BAZ1A: variants seen among roughly 807,000 people sequenced by gnomAD.
BAZ1A encodes the protein bromodomain adjacent to zinc finger domain protein 1A.
A neutral mutation model predicts 185.2 loss-of-function variants in BAZ1A; 50 were observed. That is an observed-to-expected ratio of 0.27 (90% CI 0.22 to 0.34). The LOEUF is 0.34. BAZ1A is among the 10% of genes least tolerant of loss of function. The pLI, the probability that BAZ1A is intolerant of heterozygous loss-of-function variation, is 1.00. For synonymous variants in BAZ1A, 571 were observed against 615.6 expected (o/e 0.93, Z 1.07); for missense variants, 1,356 against 1,839.9 (o/e 0.74, Z 4.81).
At chr14:34,872,576 G>A (rs1157282358) in intron 2 of BAZ1A, among the ~76,000 whole-genome samples, 2 of 152,200 alleles carry the variant, frequency 1.3e-5, no homozygotes, top group East Asian at 1.9e-4. Context: ...ACTCCAGCCT[G>A]GGCGACAGAG....
At chr14:34,859,443 A>C (rs2138812728) in intron 3 of BAZ1A, among the ~76,000 whole-genome samples, 1 of 152,084 alleles carries the variant, frequency 6.6e-6, no homozygotes, top group South Asian at 2.1e-4. Flanking sequence ...AAAAAAAAAA[A>C]AATCCACAGA....
intron 4 of BAZ1A, among the ~76,000 whole-genome samples, chr14:34,825,591 AGATGGGTACT>A (rs1482815609): frequency 8.5e-5 from 13 of 152,048 alleles, no homozygotes; most frequent in African/African-American, 3.1e-4. Flanking sequence ...TAGATTGTTT[AGATGGGTACT>A]ATACCATAGT....
chr14:34,839,839 CAA>C (rs60954768), intron 3 of BAZ1A, among the ~76,000 whole-genome samples: 26,554 of 106,596 alleles, frequency 0.25, 2,526 homozygotes, highest in Non-Finnish European at 0.29. Context: ...GCCTCTGTTT[CAA>C]AAAAAAAAAA....
Position 34,838,527 on chromosome 14 carries a change from CT to C in BAZ1A, c.393-12372del, listed in dbSNP as rs35699929. On this transcript the variant is annotated intron_variant, in intron 3 of 26. Transcript: ENST00000360310. ...ATATCATGAGGGAAACTATTTTTTT[CT>C]TTTTTTTTTTGGAGACAGAGTCTCC... Among the ~76,000 whole-genome samples, 54 of 145,920 alleles carry C rather than the reference CT, an allele frequency of 3.7e-4. 1 individual carries two copies. Among genetic ancestry groups the C allele is most frequent in the Admixed American group, 1.7e-3 (25 of 14,590 alleles).
chr14:34,863,896 G>A (rs560764400), intron 2 of BAZ1A, among the ~76,000 whole-genome samples: 3 of 151,820 alleles, frequency 2.0e-5, no homozygotes, highest in South Asian at 4.2e-4. Flanking sequence ...CCAGACTGAA[G>A]GGCAGTGGTA....
intron 4 of BAZ1A, among the ~76,000 whole-genome samples, chr14:34,814,034 G>A (rs1418235590): frequency 9.3e-5 from 13 of 140,036 alleles, no homozygotes; most frequent in Non-Finnish European, 1.9e-4. Context: ...CAGAGCAAGA[G>A]TCTGTATCAA....
chr14:34,851,489 A>T (rs1240596078), intron 3 of BAZ1A, among the ~76,000 whole-genome samples: 1 of 152,078 alleles, frequency 6.6e-6, no homozygotes, highest in Non-Finnish European at 1.5e-5. Flanking sequence ...ATGACTACAC[A>T]ATGAGTCCAA....
chr14:34,812,408 T>A lies in BAZ1A; in HGVS notation c.537-1372A>T, dbSNP rs549876837. Among the ~76,000 whole-genome samples, 32 of 152,290 alleles carry A rather than the reference T, an allele frequency of 2.1e-4. 1 individual carries two copies. In the Middle Eastern group the frequency reaches 0.014, roughly 65 times the overall value. The stretch of plus-strand genomic sequence containing the variant: ...CAGAGATGTAGCAGCAGTGCCAGAT[T>A]ATGAGACTTTGGATATTGAGTAGTC... On this transcript the variant is annotated intron_variant, in intron 4 of 26. Transcript: ENST00000360310.
At chr14:34,783,263 T>C (rs761445557) in intron 15 of BAZ1A, 31 bp from the exon 16 acceptor site, 4 of 1,314,114 alleles carry the variant, frequency 3.0e-6, no homozygotes, top group Non-Finnish European at 4.4e-6. Context: ...TGGTAGTCTA[T>C]CTGATGCACA....
chr14:34,862,853 G>A (rs2042791715), intron 2 of BAZ1A, among the ~76,000 whole-genome samples: 1 of 151,730 alleles, frequency 6.6e-6, no homozygotes, highest in South Asian at 2.1e-4. Flanking sequence ...ATAGGTTTCT[G>A]GAATGTCATA....
chr14:34,818,917 G>A (rs1047899352), intron 4 of BAZ1A, among the ~76,000 whole-genome samples: 6 of 151,860 alleles, frequency 4.0e-5, no homozygotes, highest in African/African-American at 7.3e-5. Flanking sequence ...CGAGGCGGGC[G>A]GATCACGAGG....
Position 34,764,732 on chromosome 14 carries a change from C to G in BAZ1A, c.3751G>C (p.Asp1251His), listed in dbSNP as rs973682894. The change falls in exon 23 of 27, where the codon GAC becomes CAC. Residue 1251 changes from aspartate (D) to histidine (H), a missense_variant. Asp to His is a moderately conservative substitution (Grantham distance 81). Around this residue, in one of 7 missense-constraint regions of BAZ1A, gnomAD observed 309 missense variants for 355.3 expected, o/e 0.87. Transcript: ENST00000360310. ...EEYEVEQDED[D>H]SQEEEEVSLP... ...CTGACTTCTTCCTCTTCTTGAGAGT[C>G]ATCTTCATCTTGTTCTACCTCATAC... is the stretch of plus-strand genomic sequence containing the variant. 30 of 1,608,996 alleles carry G rather than the reference C, an allele frequency of 1.9e-5. No homozygotes were observed. The highest frequency in any genetic ancestry group is 1.6e-5 in the Non-Finnish European group (19 of 1,176,248).
chr14:34,764,152 A>G (rs1878639491), intron 23 of BAZ1A, among the ~76,000 whole-genome samples: 1 of 152,130 alleles, frequency 6.6e-6, no homozygotes, highest in Non-Finnish European at 1.5e-5. Context: ...CAGAAGTATA[A>G]AAATACAGTG....
chr14:34,862,258 G>A lies in BAZ1A; in HGVS notation c.178C>T (p.Pro60Ser). The change falls in exon 3 of 27, where the codon CCT (proline) becomes TCT (serine). Residue 60 changes from proline (P) to serine (S), a missense_variant. By Grantham distance (74) the Pro-to-Ser change is moderately conservative. Around this residue, in one of 7 missense-constraint regions of BAZ1A, gnomAD observed 332 missense variants for 395.3 expected, o/e 0.84. Coordinates refer to ENST00000360310, the MANE Select transcript of BAZ1A (RefSeq NM_013448.3). Reference protein sequence around the residue: ...LVWSCAVTGRPGLTYQEALES... With the variant: ...LVWSCAVTGRSGLTYQEALES... ...AGTGCTTCCTGATACGTCAGTCCAG[G>A]TCTACCCGTCACAGCACAACTCCAC... 1.2e-6 allele frequency: 2 copies of A among 1,614,004 alleles called. No individual in the cohort carries two copies. Among genetic ancestry groups the A allele is most frequent in the Non-Finnish European group, 1.7e-6 (2 of 1,180,010 alleles).
At chr14:34,758,940 G>A (rs975485681) in intron 24 of BAZ1A, 94 bp from the exon 25 acceptor site, 2 of 1,267,308 alleles carry the variant, frequency 1.6e-6, no homozygotes, top group African/African-American at 3.0e-5. Context: ...AATTCCAACA[G>A]AAAATAGACA....
intron 25 of BAZ1A, among the ~76,000 whole-genome samples, chr14:34,756,598 T>C (rs938026655): frequency 6.7e-6 from 1 of 149,884 alleles, no homozygotes; most frequent in African/African-American, 2.5e-5. Context: ...TCCGAGTAGC[T>C]GGGATTACAG....
At chr14:34,753,809 A>C in intron 26 of BAZ1A, 105 bp from the exon 27 acceptor site, 1 of 1,015,532 alleles carries the variant, frequency 9.8e-7, no homozygotes, top group Non-Finnish European at 1.4e-6. Flanking sequence ...ATGGAAGCCC[A>C]CTTTTTTCTT....
intron 4 of BAZ1A, among the ~76,000 whole-genome samples, chr14:34,814,467 T>C (rs1212048438): frequency 6.6e-6 from 1 of 151,924 alleles, no homozygotes; most frequent in African/African-American, 2.4e-5. Context: ...AGAAAACTTG[T>C]ATATGGACCT....
chr14:34,814,620 C>T (rs1377118222), intron 4 of BAZ1A, among the ~76,000 whole-genome samples: 8 of 151,820 alleles, frequency 5.3e-5, no homozygotes, highest in Non-Finnish European at 1.0e-4. Flanking sequence ...AGGCATGTGC[C>T]ACCCATGCCC....
Sources: gnomAD v4.1 joint callset for allele counts (sites outside exome capture counted in the v4.1 genomes callset) on GRCh38, gnomAD v4.1.1 for gene constraint, gnomAD v4.1.1 regional missense constraint, MANE v1.5 for transcripts, NCBI Gene and HGNC (gene_info 2026-07-23, HGNC 2026-07-21) for gene names.